RNFT2: variants seen among roughly 807,000 people sequenced by gnomAD.
RNFT2 encodes E3 ubiquitin-protein ligase RNFT2.
Under a neutral mutation model 53.0 loss-of-function variants are expected in RNFT2, and 36 were observed. The observed-to-expected ratio is 0.68, with a 90% CI of 0.52 to 0.90. RNFT2 has a LOEUF of 0.90. Ranked by LOEUF, RNFT2 falls within the 40% of genes least tolerant of loss-of-function variation. The pLI, the probability that RNFT2 is intolerant of heterozygous loss-of-function variation, is 0.00. For synonymous variants in RNFT2, 260 were observed against 253.2 expected (o/e 1.03, Z -0.26); for missense variants, 514 against 585.6 (o/e 0.88, Z 1.26).
intron 7 of RNFT2, among the ~76,000 whole-genome samples, chr12:116,791,467 A>T (rs1328347928): frequency 6.6e-6 from 1 of 152,150 alleles, no homozygotes; most frequent in African/African-American, 2.4e-5. Flanking sequence ...GTGCGCCACC[A>T]GGCCTGGCTA....
At chr12:116,843,939 C>T (rs935967143) in intron 10 of RNFT2, among the ~76,000 whole-genome samples, 1 of 152,226 alleles carries the variant, frequency 6.6e-6, no homozygotes, top group Non-Finnish European at 1.5e-5. Flanking sequence ...AGTACGATAA[C>T]AACATGGCTG....
chr12:116,748,444 A>G (rs1872014733), intron 3 of RNFT2, among the ~76,000 whole-genome samples: 2 of 152,336 alleles, frequency 1.3e-5, no homozygotes, highest in East Asian at 1.9e-4. Context: ...ACTAGAGATA[A>G]CAGTTCCCAC....
intron 10 of RNFT2, among the ~76,000 whole-genome samples, chr12:116,843,492 CAAAAA>C (rs35687933): frequency 2.8e-4 from 18 of 65,132 alleles, no homozygotes; most frequent in African/African-American, 9.6e-4. Context: ...GACTGTGTCT[CAAAAA>C]AAAAAAAAAA....
In RNFT2 at chr12:116,823,237, C is replaced by T. The variant is rs145786463; in HGVS notation, c.883-10555C>T. 5.6e-3 allele frequency among the ~76,000 whole-genome samples: 854 copies of T among 152,234 alleles called. 9 individuals are homozygous for T. Among genetic ancestry groups the T allele is most frequent in the African/African-American group, 0.019 (792 of 41,536 alleles). On this transcript the variant is annotated intron_variant, in intron 7 of 10. Coordinates refer to ENST00000257575, the MANE Select transcript of RNFT2 (RefSeq NM_001382266.1). ...AACAGTGCATAGAGGCCCAGAATGG[C>T]GGAGCTGGGTCAACACCCCCATCAC...
At chr12:116,839,774 A>AAGGG (rs368090730) in intron 10 of RNFT2, among the ~76,000 whole-genome samples, 2,668 of 96,916 alleles carry the variant, frequency 0.028, 120 homozygotes, top group African/African-American at 0.099. Context: ...GGAAGGAAGG[A>AAGGG]AGGGAGGGAG....
At chr12:116,825,401 CTAAAA>C (rs1194778678) in intron 7 of RNFT2, among the ~76,000 whole-genome samples, 3 of 152,222 alleles carry the variant, frequency 2.0e-5, no homozygotes, top group Non-Finnish European at 4.4e-5. Flanking sequence ...TTTCTCATCT[CTAAAA>C]TAAGGCAGCA....
intron 7 of RNFT2, chr12:116,801,081 AGGGAG>A (rs1240996648): frequency 1.3e-5 from 2 of 152,174 alleles, no homozygotes; most frequent in Non-Finnish European, 2.9e-5. Context: ...CACTCTGAGA[AGGGAG>A]GTGCTGTTAT....
rs141518407 is a variant in RNFT2 at position 116,849,275 on chromosome 12, G to T, written c.1201-39G>T. The T allele has an allele frequency of 1.7e-3, 2,545 of 1,488,476 alleles. 42 individuals carry two copies. In the East Asian group the frequency reaches 0.04, roughly 23 times the overall value. The allele number at this position is 1,488,476 out of a possible 1,614,324, so 92.2% of individuals were successfully genotyped here. On this transcript the variant is annotated intron_variant, in intron 10 of 10. Coordinates refer to ENST00000257575, the MANE Select transcript of RNFT2 (RefSeq NM_001382266.1). ...CTCCCGAGACCGAGGCAGACGCTCA[G>T]TAAAGAGTCCTGGTGCCTGCTGATT...
At chr12:116,743,775 G>A (rs1487682066) in intron 3 of RNFT2, among the ~76,000 whole-genome samples, 1 of 152,120 alleles carries the variant, frequency 6.6e-6, no homozygotes, top group African/African-American at 2.4e-5. Flanking sequence ...CCAGCACTGG[G>A]ACTGAGTTTT....
At chr12:116,805,905 G>A (rs1277616754) in intron 7 of RNFT2, among the ~76,000 whole-genome samples, 5 of 152,182 alleles carry the variant, frequency 3.3e-5, no homozygotes, top group Non-Finnish European at 5.9e-5. Flanking sequence ...TATGTCAACT[G>A]ATTGTAGATG....
chr12:116,801,526 G>T (rs1028548271), intron 7 of RNFT2: 1 of 152,168 alleles, frequency 6.6e-6, no homozygotes, highest in African/African-American at 2.4e-5. Context: ...CAGTTTCTCT[G>T]TCTTTAAAAT....
At chr12:116,834,081 A>G (rs1302486288) in intron 8 of RNFT2, 140 bp downstream of exon 8, 1 of 612,674 alleles carries the variant, frequency 1.6e-6, no homozygotes, top group African/African-American at 1.9e-5. Context: ...AATTCATACG[A>G]CATGAAATTA....
At chr12:116,787,567 T>C (rs1035828078) in intron 7 of RNFT2, among the ~76,000 whole-genome samples, 1 of 151,950 alleles carries the variant, frequency 6.6e-6, no homozygotes. Flanking sequence ...TAAAAATCAA[T>C]TAGCTGGGCA....
At chr12:116,787,801 A>G (rs1045744119) in intron 7 of RNFT2, among the ~76,000 whole-genome samples, 1 of 151,666 alleles carries the variant, frequency 6.6e-6, no homozygotes, top group Admixed American at 6.6e-5. Context: ...GGCTTTGTGG[A>G]CCATCATCAT....
Position 116,843,258 on chromosome 12 carries a change from T to C in RNFT2, c.1201-6056T>C, listed in dbSNP as rs142841506. 5.1e-4 allele frequency among the ~76,000 whole-genome samples: 77 copies of C among 152,052 alleles called. 1 individual carries two copies. The East Asian group carries it at 9.5e-3, about 19-fold the overall frequency. On this transcript the variant is annotated intron_variant, in intron 10 of 10. Coordinates refer to ENST00000257575, the MANE Select transcript of RNFT2 (RefSeq NM_001382266.1). The stretch of plus-strand genomic sequence containing the variant: ...CTGTAATCCCAGCATTTTGGGAGGC[T>C]GAGGCGATTGGATCCCTTGAGCCCA...
At position 116,798,090 on chromosome 12, in the gene RNFT2, A is replaced by G. The variant is rs544685226; in HGVS notation, c.882+18742A>G. Among the ~76,000 whole-genome samples the G allele has an allele frequency of 3.3e-5, 5 of 152,266 alleles. No homozygotes were observed. The South Asian group carries it at 1.0e-3, about 32-fold the overall frequency. ...CCTCACTAGGACGGGCCCTGGTCCA[A>G]TAGGACTGGTGTCCTTGTAAAGGAG... On this transcript the variant is annotated intron_variant, in intron 7 of 10. Transcript: ENST00000257575.
intron 10 of RNFT2, among the ~76,000 whole-genome samples, chr12:116,845,272 TATAGAGAG>T (rs1259764943): frequency 6.3e-5 from 8 of 127,056 alleles, no homozygotes; most frequent in African/African-American, 1.6e-4. Context: ...TATATATATA[TATAGAGAG>T]AGAGAGAGAG....
intron 3 of RNFT2, 84 bp from the exon 4 acceptor site, chr12:116,749,757 A>G: frequency 3.4e-6 from 4 of 1,190,958 alleles, no homozygotes; most frequent in Non-Finnish European, 4.8e-6. Context: ...AACATAATTG[A>G]TATTATTAGT....
intron 3 of RNFT2, among the ~76,000 whole-genome samples, chr12:116,742,519 G>A (rs142641164): frequency 0.01 from 1,574 of 152,200 alleles, 12 homozygotes; most frequent in Middle Eastern, 0.017. Flanking sequence ...TGTCCGACTT[G>A]GCCGCCCAAG....
Sources: gnomAD v4.1 joint callset for allele counts (sites outside exome capture counted in the v4.1 genomes callset) on GRCh38, gnomAD v4.1.1 for gene constraint, MANE v1.5 for transcripts, NCBI Gene and HGNC (gene_info 2026-07-23, HGNC 2026-07-21) for gene names.